Variants in EFEMP1 observed in about 807,000 individuals in gnomAD.
EFEMP1 encodes the protein EGF-like fibulin extracellular matrix protein 1, also known as EGF-containing fibulin-like extracellular matrix protein 1.
Under a neutral mutation model 65.7 loss-of-function variants are expected in EFEMP1, and 18 were observed. The observed-to-expected ratio is 0.27, with a 90% CI of 0.19 to 0.41. The LOEUF is 0.41. Among genes scored for constraint, EFEMP1 ranks in the 10% least tolerant of loss-of-function variants. The pLI is 1.00. For synonymous variants in EFEMP1, 237 were observed against 219.7 expected (o/e 1.08, Z -0.70); for missense variants, 469 against 624.8 (o/e 0.75, Z 2.66).
chr2:55,868,185 A>T (rs1668660242), intron 11 of EFEMP1, among the ~76,000 whole-genome samples: 1 of 152,190 alleles, frequency 6.6e-6, no homozygotes, highest in Non-Finnish European at 1.5e-5. Context: ...TCCACGGTGC[A>T]TACCTCTTGT....
chr2:55,907,035 G>A (rs547794304), intron 5 of EFEMP1, among the ~76,000 whole-genome samples: 1 of 152,236 alleles, frequency 6.6e-6, no homozygotes, highest in South Asian at 2.1e-4. Context: ...ACAATTCTTT[G>A]TTCAGCAAAA....
intron 8 of EFEMP1, among the ~76,000 whole-genome samples, chr2:55,875,331 T>TACACACACACACACACACACACACAC (rs747889223): frequency 9.4e-6 from 1 of 105,882 alleles, no homozygotes; most frequent in African/African-American, 4.5e-5. Context: ...CTGGGTTTCA[T>TACACACACACACACACACACACACAC]ATATACACAC....
intron 5 of EFEMP1, among the ~76,000 whole-genome samples, chr2:55,895,757 T>G (rs11887882): frequency 0.43 from 64,987 of 150,134 alleles, 14,518 homozygotes; most frequent in East Asian, 0.81. Context: ...TAGCCAGGAT[T>G]GTCTCTATCT....
At chr2:55,920,981 T>G (rs1047563578) in intron 3 of EFEMP1, among the ~76,000 whole-genome samples, 2 of 152,222 alleles carry the variant, frequency 1.3e-5, no homozygotes, top group Non-Finnish European at 2.9e-5. Flanking sequence ...TTAGTGGTCT[T>G]AAAACTATCA....
At chr2:55,912,232 C>T (rs906000087) in intron 5 of EFEMP1, among the ~76,000 whole-genome samples, 17 of 152,236 alleles carry the variant, frequency 1.1e-4, no homozygotes, top group African/African-American at 3.9e-4. Context: ...CACAGGTCTT[C>T]ACTGGGCTGT....
rs1668592837 is a variant in EFEMP1, at chr2:55,866,776, C to T, written c.*297G>A. 3 of 343,174 alleles carry T rather than the reference C, an allele frequency of 8.7e-6. No homozygotes were observed. Among genetic ancestry groups the T allele is most frequent in the Admixed American group, 8.3e-5 (2 of 24,116 alleles). The allele number at this position is 343,174 out of a possible 1,614,324, so 21.3% of individuals were successfully genotyped here. On this transcript the variant is annotated 3_prime_UTR_variant, in exon 12 of 12. Coordinates refer to ENST00000355426, the MANE Select transcript of EFEMP1 (RefSeq NM_001039348.3). ...TAAGCACCACAGAAGATCATCATTG[C>T]TTGGTCCCACTTTTATAGGAAAGAA... is the stretch of plus-strand genomic sequence containing the variant.
In EFEMP1 at chr2:55,919,251, G is replaced by A. The variant is rs1670825005; in HGVS notation, c.82-984C>T. ...AGGTAGGCAGGGCCAAAACAAGAAAGCCTTTCTTTAGGAATGGAAGCCTGA... is the reference window on the plus strand; with the variant it reads ...AGGTAGGCAGGGCCAAAACAAGAAAACCTTTCTTTAGGAATGGAAGCCTGA... On this transcript the variant is annotated intron_variant, in intron 3 of 11. Coordinates refer to ENST00000355426, the MANE Select transcript of EFEMP1 (RefSeq NM_001039348.3). This position sits in a 1 kb window ranked among gnomAD's most constrained non-coding sequence, Gnocchi z 4.5. 6.6e-6 allele frequency among the ~76,000 whole-genome samples: 1 copy of A among 152,212 alleles called. No individual in the cohort carries two copies.
Position 55,923,045 on chromosome 2 carries a change from C to A in EFEMP1, c.-48-106G>T. 14 of 738,796 alleles carry A rather than the reference C, an allele frequency of 1.9e-5. No homozygotes were observed. Among genetic ancestry groups the A allele is most frequent in the African/African-American group, 3.8e-5 (2 of 52,378 alleles). 45.8% of individuals were successfully genotyped at this position (738,796 alleles called of 1,614,324 possible). ...CTTCCAGTTCTAGTAGAATACTAGA[C>A]CTTCTCACATGTCTCAGAGCTTCTC... On this transcript the variant is annotated intron_variant, in intron 1 of 11. Transcript: ENST00000355426. This position sits in a 1 kb window ranked among gnomAD's most constrained non-coding sequence, Gnocchi z 5.3.
In EFEMP1 at chr2:55,867,349, A is replaced by G. The variant is rs1668617110; in HGVS notation, c.1321-115T>C. 2.6e-6 allele frequency: 3 copies of G among 1,158,080 alleles called. No homozygotes were observed. The highest frequency in any genetic ancestry group is 3.7e-6 in the Non-Finnish European group (3 of 816,598). 71.7% of individuals were successfully genotyped at this position (1,158,080 alleles called of 1,614,324 possible). A position where few individuals can be genotyped will look rare whatever the true frequency, so the allele number is the denominator to read the frequency against. ...GGGGGAGAATTTTGAAGGTGGTATA[A>G]AAGAGCCACTACTTGGTCCCTTCTT... On this transcript the variant is annotated intron_variant, in intron 11 of 11. Transcript: ENST00000355426. This position sits in a 1 kb window ranked among gnomAD's most constrained non-coding sequence, Gnocchi z 4.3.
At chr2:55,903,676 C>G (rs72809698) in intron 5 of EFEMP1, among the ~76,000 whole-genome samples, 2 of 152,168 alleles carry the variant, frequency 1.3e-5, no homozygotes, top group East Asian at 3.8e-4. Context: ...CTAAAGACTT[C>G]TTTAGCCAAT....
Position 55,922,205 on chromosome 2 carries a change from C to A in EFEMP1, c.81+155G>T. 1 of 747,622 alleles carries A rather than the reference C, an allele frequency of 1.3e-6. No homozygotes were observed. Among genetic ancestry groups the A allele is most frequent in the Admixed American group, 2.1e-5 (1 of 48,192 alleles). 46.3% of individuals were successfully genotyped at this position (747,622 alleles called of 1,614,324 possible). The stretch of plus-strand genomic sequence containing the variant: ...TTGAAAGGATCAAGGGGGCAATTTA[C>A]AACGAATCTTAGATATGAAGCATGA... On this transcript the variant is annotated intron_variant, in intron 3 of 11. Transcript: ENST00000355426. This position sits in a 1 kb window ranked among gnomAD's most constrained non-coding sequence, Gnocchi z 5.5.
At chr2:55,880,772 A>T (rs1213060127) in intron 6 of EFEMP1, among the ~76,000 whole-genome samples, 1 of 152,208 alleles carries the variant, frequency 6.6e-6, no homozygotes, top group East Asian at 1.9e-4. Flanking sequence ...AGCCCAGAGT[A>T]CTGTATTTTA....
intron 5 of EFEMP1, among the ~76,000 whole-genome samples, chr2:55,897,579 T>C (rs1270700999): frequency 6.6e-6 from 1 of 152,126 alleles, no homozygotes; most frequent in Admixed American, 6.5e-5. Flanking sequence ...AGAAAAAAAG[T>C]CAAGACTTAG....
Position 55,919,456 on chromosome 2 carries a change from G to A in EFEMP1, c.82-1189C>T, listed in dbSNP as rs1204080808. ...AGGCGATTCCCATACAGGTTGTCTA[G>A]GAACTACTTCTTGAGAAATGTTGCT... On this transcript the variant is annotated intron_variant, in intron 3 of 11. Transcript: ENST00000355426. The surrounding 1 kb of genome is among the most constrained non-coding windows in gnomAD (Gnocchi z 4.5). Among the ~76,000 whole-genome samples, 2 of 152,174 alleles carry A rather than the reference G, an allele frequency of 1.3e-5. No individual in the cohort carries two copies. The highest frequency in any genetic ancestry group is 4.8e-5 in the African/African-American group (2 of 41,444).
In EFEMP1 at chr2:55,883,332, G is replaced by A. The variant is rs1441548726; in HGVS notation, c.518-1598C>T. On this transcript the variant is annotated intron_variant, in intron 5 of 11. Transcript: ENST00000355426. The surrounding 1 kb of genome is among the most constrained non-coding windows in gnomAD (Gnocchi z 4.5). ...AAACTGTCCTTTTTAGGTACTATGC[G>A]ATGGTGCAACAATCCTGCTTTGAAA... Among the ~76,000 whole-genome samples, 3 of 152,090 alleles carry A rather than the reference G, an allele frequency of 2.0e-5. No individual in the cohort carries two copies. The highest frequency in any genetic ancestry group is 1.9e-4 in the East Asian group (1 of 5,192).
chr2:55,867,162 G>C lies in EFEMP1; in HGVS notation c.1393C>G (p.Leu465Val). 1 of 1,613,956 alleles carries C rather than the reference G, an allele frequency of 6.2e-7. No homozygotes were observed. The highest frequency in any genetic ancestry group is 1.1e-5 in the South Asian group (1 of 91,072). ...ATACTGCTGACTGTCAGCATCTCCAGGTCCACGATATGTTCTCTTGGTCCT... is the reference window on the plus strand; with the variant it reads ...ATACTGCTGACTGTCAGCATCTCCACGTCCACGATATGTTCTCTTGGTCCT... Reference protein sequence around the residue: ...LSGPREHIVDLEMLTVSSIGT... With the variant: ...LSGPREHIVDVEMLTVSSIGT... The change falls in exon 12 of 12, where the codon CTG becomes GTG. Residue 465 changes from leucine (L) to valine (V), a missense_variant. Around this residue, in one of 3 missense-constraint regions of EFEMP1, gnomAD observed 399 missense variants for 528.2 expected, o/e 0.76. Coordinates refer to ENST00000355426, the MANE Select transcript of EFEMP1 (RefSeq NM_001039348.3). The surrounding 1 kb of genome is among the most constrained non-coding windows in gnomAD (Gnocchi z 4.3).
chr2:55,898,234 T>C (rs1481296589), intron 5 of EFEMP1, among the ~76,000 whole-genome samples: 1 of 152,218 alleles, frequency 6.6e-6, no homozygotes, highest in East Asian at 1.9e-4. Context: ...CTTGTTAATT[T>C]GTAATTGATG....
At chr2:55,906,910 A>G (rs1190170491) in intron 5 of EFEMP1, among the ~76,000 whole-genome samples, 1 of 152,234 alleles carries the variant, frequency 6.6e-6, no homozygotes, top group Non-Finnish European at 1.5e-5. Flanking sequence ...TCTGAGAAAG[A>G]TTAGTAATGA....
rs748655754 is a variant in EFEMP1, at chr2:55,877,706, T to G, written c.760+40A>C. The G allele has an allele frequency of 5.0e-6, 8 of 1,611,816 alleles. No individual in the cohort carries two copies. The East Asian group carries it at 1.8e-4, about 36-fold the overall frequency. On this transcript the variant is annotated intron_variant, in intron 7 of 11. Transcript: ENST00000355426. The surrounding 1 kb of genome is among the most constrained non-coding windows in gnomAD (Gnocchi z 4.5). Reference sequence around the variant, plus strand: ...ACTGCAACATGGCATGGGGTTTCCTTTTGTGAAGACAGAAATCAGCAAGTT... The same window carrying G: ...ACTGCAACATGGCATGGGGTTTCCTGTTGTGAAGACAGAAATCAGCAAGTT...
Sources: gnomAD v4.1 joint callset for allele counts (sites outside exome capture counted in the v4.1 genomes callset) on GRCh38, gnomAD v4.1.1 for gene constraint, gnomAD v4.1.1 regional missense constraint, Gnocchi (gnomAD v3.1) non-coding constraint, MANE v1.5 for transcripts, NCBI Gene and HGNC (gene_info 2026-07-23, HGNC 2026-07-21) for gene names.